PDE9A: variants seen among roughly 807,000 people sequenced by gnomAD.
PDE9A encodes phosphodiesterase 9A.
In PDE9A, 60 loss-of-function variants were observed where a neutral mutation model predicts 87.4. The ratio of observed to expected loss-of-function variants is 0.69; its 90% confidence interval spans 0.56 to 0.85. The LOEUF (loss-of-function observed/expected upper bound fraction) is 0.85. Ranked by LOEUF, PDE9A falls within the 40% of genes least tolerant of loss-of-function variation. The probability of loss-of-function intolerance (pLI) is 0.00; values close to 1 mark genes in which losing one functional copy is unlikely to be tolerated. For missense variants in PDE9A, 665 were observed against 779.0 expected, an observed-to-expected ratio of 0.85 and a Z score of 1.74; for synonymous variants, 272 against 279.4, an observed-to-expected ratio of 0.97 and a Z score of 0.27.
At chr21:42,703,870 G>A (rs914632681) in intron 4 of PDE9A, among the ~76,000 whole-genome samples, 95 of 152,344 alleles carry the variant, frequency 6.2e-4, no homozygotes, top group African/African-American at 2.2e-3. Context: ...GCATCGTAAA[G>A]TTTTGAGTAA....
intron 1 of PDE9A, among the ~76,000 whole-genome samples, chr21:42,678,389 G>C (rs1047499615): frequency 1.3e-5 from 2 of 152,188 alleles, no homozygotes; most frequent in African/African-American, 4.8e-5. Flanking sequence ...TTTCTATCTG[G>C]AGCCCAAATA....
intron 1 of PDE9A, among the ~76,000 whole-genome samples, chr21:42,679,913 G>A (rs2146086986): frequency 6.6e-6 from 1 of 152,330 alleles, no homozygotes; most frequent in South Asian, 2.1e-4. Context: ...GCAAGAAACA[G>A]ACTCTTTCTC....
intron 1 of PDE9A, among the ~76,000 whole-genome samples, chr21:42,662,588 C>CGCACATCATACACAT (rs1249584318): frequency 2.1e-5 from 3 of 145,574 alleles, no homozygotes; most frequent in South Asian, 2.2e-4. Flanking sequence ...ACCAAGCACA[C>CGCACATCATACACAT]GCACATCATA....
chr21:42,746,775 G>C (rs2053896040), intron 8 of PDE9A, among the ~76,000 whole-genome samples: 1 of 152,258 alleles, frequency 6.6e-6, no homozygotes, highest in African/African-American at 2.4e-5. Context: ...TGCCTGTCAG[G>C]CACGCCGGGC....
chr21:42,727,983 C>A (rs1220241696), intron 4 of PDE9A, among the ~76,000 whole-genome samples: 1 of 152,200 alleles, frequency 6.6e-6, no homozygotes, highest in Non-Finnish European at 1.5e-5. Context: ...ACACCAAGCA[C>A]TGAGTTTTTC....
At chr21:42,666,434 G>C (rs1022007315) in intron 1 of PDE9A, among the ~76,000 whole-genome samples, 2 of 152,234 alleles carry the variant, frequency 1.3e-5, no homozygotes, top group African/African-American at 2.4e-5. Context: ...CAGGAGCGCA[G>C]AGCAGGTCCT....
intron 1 of PDE9A, among the ~76,000 whole-genome samples, chr21:42,670,240 CTCATACACAT>C (rs1231041836): frequency 1.0e-5 from 1 of 97,692 alleles, no homozygotes; most frequent in East Asian, 4.7e-4. Context: ...TACATTCACA[CTCATACACAT>C]ACATACATTC....
chr21:42,765,345 A>G (rs1260443845), intron 14 of PDE9A, 36 bp from the exon 15 acceptor site: 2 of 1,225,520 alleles, frequency 1.6e-6, no homozygotes, highest in East Asian at 2.4e-5. Context: ...TGTTCAGACT[A>G]TACCCGTGTT....
rs541243653 is a variant in PDE9A, at chr21:42,712,251, G to A, written c.262+13240G>A. 5.9e-5 allele frequency among the ~76,000 whole-genome samples: 9 copies of A among 152,092 alleles called. No individual in the cohort carries two copies. The South Asian group carries it at 1.2e-3, about 21-fold the overall frequency. ...CAAGATAAAGGTCCTTCATGTCTTC[G>A]GTTAACTTTACTCCAAAGTGTTTTC... On this transcript the variant is annotated intron_variant, in intron 4 of 19. Coordinates refer to ENST00000291539, the MANE Select transcript of PDE9A (RefSeq NM_002606.3).
At chr21:42,716,908 G>A (rs985201679) in intron 4 of PDE9A, among the ~76,000 whole-genome samples, 4 of 150,578 alleles carry the variant, frequency 2.7e-5, no homozygotes, top group Non-Finnish European at 4.4e-5. Context: ...GTGCCGCCAC[G>A]CCCGGCTAAT....
intron 4 of PDE9A, among the ~76,000 whole-genome samples, chr21:42,701,571 G>C (rs1190790044): frequency 2.6e-5 from 4 of 151,810 alleles, no homozygotes; most frequent in Non-Finnish European, 5.9e-5. Context: ...CAAGTAGCTG[G>C]GACTATAGGC....
chr21:42,768,226 C>G lies in PDE9A; in HGVS notation c.1395C>G (p.Asn465Lys), dbSNP rs748274228. The change falls in exon 16 of 20, where the codon AAC becomes AAG. Residue 465 changes from asparagine to lysine, a missense_variant. Asn to Lys is a moderately conservative substitution (Grantham distance 94, BLOSUM62 0). Transcript: ENST00000291539. ...MILIKCCDISNEVRPMEVAEP... is the reference protein window; with the variant it reads ...MILIKCCDISKEVRPMEVAEP... ...TGATAAAATGCTGTGATATCTCTAA[C>G]GAGGTCCGTCCAATGGAAGTCGCAG... 1.2e-6 allele frequency: 2 copies of G among 1,611,088 alleles called. No individual in the cohort carries two copies. Among genetic ancestry groups the G allele is most frequent in the African/African-American group, 1.3e-5 (1 of 75,008 alleles).
At chr21:42,753,961 G>A (rs932823562) in intron 9 of PDE9A, 29 bp from the exon 10 acceptor site, 2 of 1,440,966 alleles carry the variant, frequency 1.4e-6, no homozygotes, top group Non-Finnish European at 2.0e-6. Flanking sequence ...CACGGCGCCT[G>A]GTTAACACGG....
intron 1 of PDE9A, among the ~76,000 whole-genome samples, chr21:42,670,656 CACAT>C (rs2058491691): frequency 1.4e-5 from 2 of 147,060 alleles, no homozygotes; most frequent in Non-Finnish European, 2.9e-5. Context: ...ATCATTCACA[CACAT>C]ACACACATAC....
intron 7 of PDE9A, among the ~76,000 whole-genome samples, chr21:42,740,642 A>G (rs1214696448): frequency 7.9e-6 from 1 of 125,920 alleles, no homozygotes; most frequent in Non-Finnish European, 1.8e-5. Flanking sequence ...TACATAGATG[A>G]ATGGATGGAT....
At chr21:42,768,509 T>G (rs2056615495) in intron 16 of PDE9A, 1 of 1,287,494 alleles carries the variant, frequency 7.8e-7, no homozygotes, top group Non-Finnish European at 1.0e-6. Context: ...AAGCTAATAC[T>G]CTAAAACTGT....
rs1295404612 is a variant in PDE9A at position 42,675,638 on chromosome 21, C to G, written c.70-10554C>G. ...CCTCACTGCCTCTGCGTTAGTGCCG[C>G]CACTTCATCTCAGATACTCTCCTGA... On this transcript the variant is annotated intron_variant, in intron 1 of 19. Transcript: ENST00000291539. The surrounding 1 kb of genome is among the most constrained non-coding windows in gnomAD (Gnocchi z 4.3). 6.6e-6 allele frequency among the ~76,000 whole-genome samples: 1 copy of G among 152,202 alleles called. No individual in the cohort carries two copies. The highest frequency in any genetic ancestry group is 2.4e-5 in the African/African-American group (1 of 41,446).
chr21:42,770,279 G>T (rs1011623084), intron 17 of PDE9A, among the ~76,000 whole-genome samples: 1 of 152,062 alleles, frequency 6.6e-6, no homozygotes, highest in Non-Finnish European at 1.5e-5. Flanking sequence ...GGGGATCTGG[G>T]CTCACAGCCT....
Position 42,696,020 on chromosome 21 carries a change from C to T in PDE9A, c.219-2948C>T, listed in dbSNP as rs927707903. Among the ~76,000 whole-genome samples, 10 of 152,292 alleles carry T rather than the reference C, an allele frequency of 6.6e-5. No homozygotes were observed. The highest frequency in any genetic ancestry group is 1.4e-4 in the African/African-American group (6 of 41,558). On this transcript the variant is annotated intron_variant, in intron 3 of 19. Coordinates refer to ENST00000291539, the MANE Select transcript of PDE9A (RefSeq NM_002606.3). This position sits in a 1 kb window ranked among gnomAD's most constrained non-coding sequence, Gnocchi z 5.1. ...GGAGCATTCACAGAGGCTCCCTGTC[C>T]GTCCACTTTTCCCTCTGTTGCTGAT...
Sources: allele counts gnomAD v4.1 joint callset (sites outside exome capture counted in the v4.1 genomes callset), GRCh38; gene constraint gnomAD v4.1.1; non-coding constraint Gnocchi (gnomAD v3.1); transcripts MANE v1.5; gene names NCBI Gene and HGNC (gene_info 2026-07-23, HGNC 2026-07-21).